CCNY: variants seen among roughly 807,000 people sequenced by gnomAD.
CCNY encodes the protein cyclin Y, also known as cyclin-Y.
A neutral mutation model predicts 42.8 loss-of-function variants in CCNY; 19 were observed. The observed-to-expected ratio is 0.44, with a 90% CI of 0.31 to 0.65. The LOEUF is 0.65. Ranked by LOEUF, CCNY falls within the 30% of genes least tolerant of loss-of-function variation. CCNY has a pLI of 0.07. For missense variants in CCNY, 370 were observed against 437.3 expected (o/e 0.85, Z 1.37); for synonymous variants, 165 against 162.7 (o/e 1.01, Z -0.11).
At chr10:35,373,252 C>A (rs967063814) in intron 1 of CCNY, among the ~76,000 whole-genome samples, 1 of 152,132 alleles carries the variant, frequency 6.6e-6, no homozygotes, top group African/African-American at 2.4e-5. Flanking sequence ...ATGAAACCTA[C>A]TTCTTAGGGC....
At chr10:35,464,501 CCTT>C (rs772403415) in intron 1 of CCNY, among the ~76,000 whole-genome samples, 146 of 152,076 alleles carry the variant, frequency 9.6e-4, no homozygotes, top group Non-Finnish European at 1.7e-3. Context: ...AATCCAGACT[CCTT>C]CACCAATTTT....
At chr10:35,278,403 G>A (rs1173103381) in intron 3 of CCNY, among the ~76,000 whole-genome samples, 1 of 151,968 alleles carries the variant, frequency 6.6e-6, no homozygotes, top group African/African-American at 2.4e-5. Flanking sequence ...CCCCAGATCT[G>A]TCCATACTCC....
chr10:35,342,066 A>G (rs937118583), intron 1 of CCNY, among the ~76,000 whole-genome samples: 4 of 152,084 alleles, frequency 2.6e-5, no homozygotes, highest in Non-Finnish European at 4.4e-5. Flanking sequence ...ATATAGGTAC[A>G]TGGTGTTTTG....
At chr10:35,380,099 T>A (rs1471122623) in intron 1 of CCNY, among the ~76,000 whole-genome samples, 1 of 152,158 alleles carries the variant, frequency 6.6e-6, no homozygotes, top group Non-Finnish European at 1.5e-5. Flanking sequence ...AAGATGTTGT[T>A]TTGGAAGCGA....
At chr10:35,479,324 T>C (rs376682048) in intron 1 of CCNY, among the ~76,000 whole-genome samples, 2 of 145,022 alleles carry the variant, frequency 1.4e-5, no homozygotes, top group Non-Finnish European at 3.0e-5. Context: ...TATTGCGGCA[T>C]TATTCACAAT....
intron 3 of CCNY, among the ~76,000 whole-genome samples, chr10:35,269,466 G>A (rs1371630371): frequency 6.6e-6 from 1 of 150,756 alleles, no homozygotes; most frequent in Non-Finnish European, 1.5e-5. Context: ...ACTACACCTG[G>A]CTAAGTTTTG....
At chr10:35,485,641 C>T (rs192091805) in intron 2 of CCNY, among the ~76,000 whole-genome samples, 3,317 of 146,088 alleles carry the variant, frequency 0.023, 118 homozygotes, top group African/African-American at 0.078. Context: ...AGGAGAATGG[C>T]GTGAATCCGG....
intron 1 of CCNY, among the ~76,000 whole-genome samples, chr10:35,366,973 G>C (rs1399593308): frequency 6.6e-6 from 1 of 152,204 alleles, no homozygotes; most frequent in Admixed American, 6.5e-5. Context: ...AAGTGTGGAA[G>C]GAGGGAATGG....
Position 35,553,116 on chromosome 10 carries a change from T to G in CCNY, c.677T>G (p.Val226Gly). 9.9e-6 allele frequency: 16 copies of G among 1,614,096 alleles called. No homozygotes were observed. The highest frequency in any genetic ancestry group is 1.4e-5 in the Non-Finnish European group (16 of 1,179,992). The change falls in exon 8 of 10, where the codon GTG becomes GGG. Residue 226 changes from valine (V) to glycine (G), a missense_variant. Physicochemically the swap from Val to Gly is moderately radical, Grantham distance 109. Transcript: ENST00000374704. ...VLGAILLASK[V>G]WDDQAVWNVD... ...GGGGCGATCCTGCTGGCCTCCAAGGTGTGGGATGACCAGGCTGTATGGAAT... is the reference window on the plus strand; with the variant it reads ...GGGGCGATCCTGCTGGCCTCCAAGGGGTGGGATGACCAGGCTGTATGGAAT...
intron 1 of CCNY, among the ~76,000 whole-genome samples, chr10:35,448,440 G>T (rs1440104566): frequency 6.6e-6 from 1 of 152,066 alleles, no homozygotes; most frequent in South Asian, 2.1e-4. Flanking sequence ...TTCCTCATAG[G>T]TAACATGAGG....
At chr10:35,324,856 AG>A (rs1835861422) in intron 3 of CCNY, among the ~76,000 whole-genome samples, 1 of 152,224 alleles carries the variant, frequency 6.6e-6, no homozygotes, top group Non-Finnish European at 1.5e-5. Context: ...TCCTTCATAA[AG>A]GATATTTTGT....
chr10:35,457,323 C>A (rs993898191), intron 1 of CCNY, among the ~76,000 whole-genome samples: 8 of 152,162 alleles, frequency 5.3e-5, no homozygotes, highest in Admixed American at 3.3e-4. Flanking sequence ...TGCTTCAGTC[C>A]CGTCGCAGCC....
rs111302831 is a variant in CCNY at position 35,264,034 on chromosome 10, T to A, written c.-9+13408T>A. 1.1e-3 allele frequency among the ~76,000 whole-genome samples: 173 copies of A among 152,346 alleles called. 2 individuals carry two copies. Among genetic ancestry groups the A allele is most frequent in the African/African-American group, 4.1e-3 (171 of 41,582 alleles). ...CTCATTGCTTTTTATGGCTGCATAG[T>A]ATTCCATGGTGTCTATGTACCACAT... On this transcript the variant is annotated intron_variant, in intron 3 of 11. Transcript: ENST00000374706.
At chr10:35,388,533 A>G (rs1837343800) in intron 1 of CCNY, among the ~76,000 whole-genome samples, 1 of 152,218 alleles carries the variant, frequency 6.6e-6, no homozygotes, top group Non-Finnish European at 1.5e-5. Flanking sequence ...ACCCAGCTTT[A>G]GGTTTAATGA....
intron 1 of CCNY, among the ~76,000 whole-genome samples, chr10:35,408,098 G>A (rs1429819501): frequency 1.3e-5 from 2 of 152,192 alleles, no homozygotes; most frequent in Non-Finnish European, 2.9e-5. Context: ...AGGAGAAAGA[G>A]GTTGAGGGAT....
At chr10:35,551,842 T>C (rs1053076814) in intron 7 of CCNY, among the ~76,000 whole-genome samples, 2 of 152,218 alleles carry the variant, frequency 1.3e-5, no homozygotes, top group Non-Finnish European at 2.9e-5. Context: ...TCACACACAT[T>C]AGGATGACTA....
intron 1 of CCNY, among the ~76,000 whole-genome samples, chr10:35,371,165 C>G (rs570956550): frequency 6.6e-6 from 1 of 152,318 alleles, no homozygotes; most frequent in African/African-American, 2.4e-5. Context: ...CTATATGGAT[C>G]ATGTTGGTAG....
intron 7 of CCNY, among the ~76,000 whole-genome samples, chr10:35,537,820 A>G (rs1432031616): frequency 2.6e-5 from 4 of 152,000 alleles, no homozygotes; most frequent in Admixed American, 6.6e-5. Flanking sequence ...TGGACTGTGG[A>G]TTTTTGAGTT....
intron 2 of CCNY, among the ~76,000 whole-genome samples, chr10:35,491,923 A>G (rs867665848): frequency 6.6e-6 from 1 of 152,076 alleles, no homozygotes. Flanking sequence ...CTCATAACCT[A>G]GTTTTTAAGA....
Sources: gnomAD v4.1 joint callset for allele counts (sites outside exome capture counted in the v4.1 genomes callset) on GRCh38, gnomAD v4.1.1 for gene constraint, MANE v1.5 for transcripts, NCBI Gene and HGNC (gene_info 2026-07-23, HGNC 2026-07-21) for gene names.